Variants in ACTR3C observed in about 807,000 individuals in gnomAD.
ACTR3C encodes the protein actin related protein 3C.
In ACTR3C, 18 loss-of-function variants were observed where a neutral mutation model predicts 26.3. The observed-to-expected ratio is 0.68, with a 90% CI of 0.47 to 1.01. The LOEUF (loss-of-function observed/expected upper bound fraction) is 1.01. ACTR3C is among the 50% of genes least tolerant of loss of function. The pLI is 0.00. For missense variants in ACTR3C, 184 were observed against 250.7 expected, an observed-to-expected ratio of 0.73 and a Z score of 1.80; for synonymous variants, 55 against 94.5, an observed-to-expected ratio of 0.58 and a Z score of 2.42.
chr7:150,201,101 G>C, the ACTR3C span, among the ~76,000 whole-genome samples: 2 of 151,886 alleles, frequency 1.3e-5, no homozygotes. Flanking sequence ...ATACTTTTTT[G>C]TCTGCAACCC....
intron 1 of ACTR3C, among the ~76,000 whole-genome samples, chr7:150,315,135 A>C (rs1053290270): frequency 2.6e-4 from 38 of 147,404 alleles, no homozygotes; most frequent in Non-Finnish European, 5.1e-4. Flanking sequence ...TGTATAATAA[A>C]TAATATTTAT....
chr7:150,120,919 A>G, the ACTR3C span, among the ~76,000 whole-genome samples: 1 of 152,222 alleles, frequency 6.6e-6, no homozygotes, highest in Non-Finnish European at 1.5e-5. Context: ...CTGGGATGTA[A>G]GGGTGGTTCA....
At chr7:150,037,372 G>A in the ACTR3C span, among the ~76,000 whole-genome samples, 3 of 61,156 alleles carry the variant, frequency 4.9e-5, 1 homozygote, top group Non-Finnish European at 1.3e-4. Flanking sequence ...CCGCCTCGCG[G>A]GGGGTGCCTC....
chr7:149,994,468 G>C, the ACTR3C span, among the ~76,000 whole-genome samples: 1 of 151,902 alleles, frequency 6.6e-6, no homozygotes, highest in Non-Finnish European at 1.5e-5. Flanking sequence ...GTATTGGTGT[G>C]TGCCTGTAAT....
intron 3 of ACTR3C, among the ~76,000 whole-genome samples, chr7:150,292,716 C>T (rs1261098101): frequency 3.3e-5 from 5 of 152,174 alleles, no homozygotes; most frequent in Non-Finnish European, 5.9e-5. Flanking sequence ...AGGCAGGTCT[C>T]GAATTCCCGA....
chr7:150,283,009 C>T (rs1337004426), intron 6 of ACTR3C, among the ~76,000 whole-genome samples: 3 of 145,348 alleles, frequency 2.1e-5, no homozygotes. Context: ...ATAACCCAGG[C>T]GCCTTTCGCC....
chr7:150,199,901 G>T, the ACTR3C span, among the ~76,000 whole-genome samples: 1 of 151,840 alleles, frequency 6.6e-6, no homozygotes. Context: ...AAATAAACAG[G>T]AACAACAAGG....
At chr7:149,955,053 C>A in the ACTR3C span, among the ~76,000 whole-genome samples, 1 of 152,248 alleles carries the variant, frequency 6.6e-6, no homozygotes, top group Non-Finnish European at 1.5e-5. Flanking sequence ...TTCAGCTACA[C>A]TTCCTTCCTG....
chr7:150,122,751 G>A, the ACTR3C span, among the ~76,000 whole-genome samples: 3 of 151,924 alleles, frequency 2.0e-5, no homozygotes, highest in African/African-American at 7.3e-5. Context: ...TATACCCAAA[G>A]GATTATAAAT....
chr7:149,978,053 T>A, the ACTR3C span, among the ~76,000 whole-genome samples: 4 of 151,302 alleles, frequency 2.6e-5, no homozygotes, highest in Non-Finnish European at 4.4e-5. Context: ...TCTAGTTTGA[T>A]GTTGTGAGAT....
chr7:150,182,493 G>A, the ACTR3C span, among the ~76,000 whole-genome samples: 10 of 150,676 alleles, frequency 6.6e-5, no homozygotes, highest in South Asian at 1.0e-3. Context: ...TCTGTTGCCC[G>A]TAAAATTCAG....
chr7:150,259,273 A>AAAGAAAG (rs1554452674), intron 6 of ACTR3C, among the ~76,000 whole-genome samples: 4 of 148,344 alleles, frequency 2.7e-5, no homozygotes, highest in African/African-American at 7.7e-5. Flanking sequence ...AGAAGAAAGA[A>AAAGAAAG]AAAGAAAGAA....
chr7:150,102,872 C>T, the ACTR3C span, among the ~76,000 whole-genome samples: 3 of 152,030 alleles, frequency 2.0e-5, no homozygotes, highest in Non-Finnish European at 4.4e-5. Context: ...CGCAGACCTG[C>T]CTCCCTTGTA....
At chr7:150,102,050 C>T in the ACTR3C span, among the ~76,000 whole-genome samples, 1 of 151,678 alleles carries the variant, frequency 6.6e-6, no homozygotes, top group African/African-American at 2.4e-5. Context: ...CTTCCCATCT[C>T]ATTACAAGTG....
the ACTR3C span, among the ~76,000 whole-genome samples, chr7:149,921,197 A>C: frequency 6.6e-6 from 1 of 152,062 alleles, no homozygotes; most frequent in Admixed American, 6.5e-5. Flanking sequence ...TTATTTATTA[A>C]TGTTACATCT....
At chr7:150,276,948 C>G (rs972485865) in intron 6 of ACTR3C, among the ~76,000 whole-genome samples, 1 of 152,208 alleles carries the variant, frequency 6.6e-6, no homozygotes, top group Non-Finnish European at 1.5e-5. Flanking sequence ...AGACACTAAC[C>G]GAGGTGTTGC....
chr7:149,974,566 C>T, the ACTR3C span, among the ~76,000 whole-genome samples: 2,441 of 152,258 alleles, frequency 0.016, 55 homozygotes, highest in African/African-American at 0.055. Flanking sequence ...CCACCACCAC[C>T]TCTGATCAGT....
the ACTR3C span, among the ~76,000 whole-genome samples, chr7:150,106,681 A>C: frequency 3.3e-3 from 399 of 120,354 alleles, 3 homozygotes; most frequent in South Asian, 0.02. Context: ...ATATTAGCTT[A>C]TTGACCCAAT....
At chr7:149,970,800 C>T in the ACTR3C span, among the ~76,000 whole-genome samples, 2 of 152,184 alleles carry the variant, frequency 1.3e-5, no homozygotes, top group African/African-American at 4.8e-5. Context: ...ATTTCACCTT[C>T]AAGTCCAAAG....
Sources: gnomAD v4.1 joint callset for allele counts (sites outside exome capture counted in the v4.1 genomes callset) on GRCh38, gnomAD v4.1.1 for gene constraint, MANE v1.5 for transcripts, NCBI Gene and HGNC (gene_info 2026-07-23, HGNC 2026-07-21) for gene names.